Variants in TRDN observed in about 807,000 individuals in gnomAD.
TRDN encodes triadin.
Under a neutral mutation model 149.7 loss-of-function variants are expected in TRDN, and 161 were observed. That is an observed-to-expected ratio of 1.08 (90% CI 0.95 to 1.23). The LOEUF is 1.23. Among genes scored for constraint, TRDN ranks in the 50% most tolerant of loss-of-function variants. The pLI is 0.00. For synonymous variants in TRDN, 294 were observed against 250.5 expected, an observed-to-expected ratio of 1.17 and a Z score of -1.64; for missense variants, 896 against 823.5, an observed-to-expected ratio of 1.09 and a Z score of -1.08.
intron 8 of TRDN, chr6:123,502,784 G>GA: frequency 1.0e-6 from 1 of 985,130 alleles, no homozygotes; most frequent in Admixed American, 6.2e-5. Flanking sequence ...ACAAAGTAAA[G>GA]AAAAATTTGG....
At chr6:123,481,922 T>G (rs2114771740) in intron 9 of TRDN, among the ~76,000 whole-genome samples, 1 of 152,300 alleles carries the variant, frequency 6.6e-6, no homozygotes, top group East Asian at 1.9e-4. Flanking sequence ...TCTCTGTTAT[T>G]TAGAGATCTA....
intron 10 of TRDN, 86 bp from the exon 11 acceptor site, chr6:123,439,089 C>T: frequency 9.9e-7 from 1 of 1,010,772 alleles, no homozygotes; most frequent in Non-Finnish European, 1.4e-6. Context: ...TTTGTTAAGT[C>T]AGTTCTGCCT....
At chr6:123,599,817 G>T (rs1784200921) in intron 1 of TRDN, among the ~76,000 whole-genome samples, 1 of 151,492 alleles carries the variant, frequency 6.6e-6, no homozygotes. Context: ...TTTTAAATAT[G>T]TTTGCATTTT....
At chr6:123,265,953 T>C (rs1776937825) in intron 32 of TRDN, among the ~76,000 whole-genome samples, 1 of 146,244 alleles carries the variant, frequency 6.8e-6, no homozygotes, top group African/African-American at 2.5e-5. Flanking sequence ...AAAGTTCTAT[T>C]TCTTCATAAA....
chr6:123,367,231 G>T (rs767671741), intron 19 of TRDN, among the ~76,000 whole-genome samples: 1 of 152,006 alleles, frequency 6.6e-6, no homozygotes, highest in East Asian at 1.9e-4. Context: ...TAATAAGCTC[G>T]TGAATTTTCA....
chr6:123,406,016 A>C (rs1454397877), intron 12 of TRDN, among the ~76,000 whole-genome samples: 1 of 152,200 alleles, frequency 6.6e-6, no homozygotes, highest in Non-Finnish European at 1.5e-5. Context: ...TAGCTAAAAT[A>C]TGTCTACTCA....
At chr6:123,251,623 A>G (rs1320778394) in intron 38 of TRDN, among the ~76,000 whole-genome samples, 5 of 151,948 alleles carry the variant, frequency 3.3e-5, no homozygotes, top group African/African-American at 4.8e-5. Context: ...ATATGTAATT[A>G]AAATTAAAAT....
chr6:123,426,097 T>C (rs771845708), intron 12 of TRDN, among the ~76,000 whole-genome samples: 1 of 152,068 alleles, frequency 6.6e-6, no homozygotes, highest in South Asian at 2.1e-4. Flanking sequence ...AGTATGAACA[T>C]TGAAACCACT....
intron 12 of TRDN, among the ~76,000 whole-genome samples, chr6:123,403,876 T>C (rs950881958): frequency 2.0e-5 from 3 of 151,512 alleles, no homozygotes; most frequent in Non-Finnish European, 2.9e-5. Flanking sequence ...AAATAGAAAA[T>C]AGTGAGATAA....
intron 24 of TRDN, among the ~76,000 whole-genome samples, chr6:123,290,967 G>C (rs961475442): frequency 2.0e-5 from 3 of 151,906 alleles, no homozygotes; most frequent in African/African-American, 7.3e-5. Context: ...GACCAGCCTG[G>C]CCAACATGGT....
chr6:123,267,564 T>C (rs1304962013), intron 32 of TRDN, 143 bp downstream of exon 32: 2 of 497,682 alleles, frequency 4.0e-6, no homozygotes, highest in African/African-American at 4.0e-5. Flanking sequence ...TTAGGTCAGA[T>C]AAACTAGATT....
intron 5 of TRDN, among the ~76,000 whole-genome samples, chr6:123,520,794 G>A (rs1386963868): frequency 6.6e-6 from 1 of 152,082 alleles, no homozygotes; most frequent in Non-Finnish European, 1.5e-5. Flanking sequence ...ATTCACTATG[G>A]ACACTGTGAT....
rs9490712 is a variant in TRDN, at chr6:123,233,649, G to C, written c.1976-9518C>G. On this transcript the variant is annotated intron_variant, in intron 38 of 40. Coordinates refer to ENST00000334268, the MANE Select transcript of TRDN (RefSeq NM_006073.4). Reference sequence around the variant, plus strand: ...AACCTTTCTCTGGAGTTTAGCAAAAGGGGTGATCAGAGTGGTGAGTATGAT... The same window carrying C: ...AACCTTTCTCTGGAGTTTAGCAAAACGGGTGATCAGAGTGGTGAGTATGAT... 1.4e-3 allele frequency among the ~76,000 whole-genome samples: 212 copies of C among 152,162 alleles called. 1 individual carries two copies. The highest frequency in any genetic ancestry group is 4.8e-3 in the African/African-American group (200 of 41,520).
At chr6:123,540,312 G>A (rs1009762318) in intron 4 of TRDN, among the ~76,000 whole-genome samples, 1 of 152,016 alleles carries the variant, frequency 6.6e-6, no homozygotes, top group East Asian at 1.9e-4. Context: ...AGATAATTTT[G>A]GCCTCAACTT....
At chr6:123,487,121 C>T (rs1468792764) in intron 9 of TRDN, among the ~76,000 whole-genome samples, 1 of 151,832 alleles carries the variant, frequency 6.6e-6, no homozygotes, top group African/African-American at 2.4e-5. Context: ...CTCAGAGAGC[C>T]ATGTGCTGTA....
chr6:123,249,262 A>C (rs1005110104), intron 38 of TRDN, among the ~76,000 whole-genome samples: 3 of 152,014 alleles, frequency 2.0e-5, no homozygotes, highest in Non-Finnish European at 2.9e-5. Context: ...CAGAATGGCT[A>C]TTATTAAAAA....
intron 10 of TRDN, among the ~76,000 whole-genome samples, chr6:123,450,222 G>A (rs1775685961): frequency 6.6e-6 from 1 of 152,006 alleles, no homozygotes; most frequent in Non-Finnish European, 1.5e-5. Flanking sequence ...GAATGCAATG[G>A]TGCCTCCCAT....
At chr6:123,455,227 T>C (rs911533980) in intron 10 of TRDN, among the ~76,000 whole-genome samples, 14 of 152,216 alleles carry the variant, frequency 9.2e-5, no homozygotes, top group Non-Finnish European at 1.6e-4. Context: ...TGTTTCTATG[T>C]TAATTAAACT....
chr6:123,361,313 A>G (rs1238069362), intron 20 of TRDN, among the ~76,000 whole-genome samples: 5 of 152,104 alleles, frequency 3.3e-5, no homozygotes, highest in Non-Finnish European at 7.4e-5. Flanking sequence ...GTTCTCACAC[A>G]TAAGTGGGAG....
Sources: gnomAD v4.1 joint callset for allele counts (sites outside exome capture counted in the v4.1 genomes callset) on GRCh38, gnomAD v4.1.1 for gene constraint, MANE v1.5 for transcripts, NCBI Gene and HGNC (gene_info 2026-07-23, HGNC 2026-07-21) for gene names.